The following PCDH15 variants were observed in gnomAD, a reference collection of about 807,000 sequenced individuals.
PCDH15 encodes the protein protocadherin-15.
PCDH15 carries 129 observed loss-of-function variants against 178.5 expected under a neutral mutation model. The observed-to-expected ratio is 0.72, with a 90% CI of 0.63 to 0.84. The LOEUF (loss-of-function observed/expected upper bound fraction) is 0.84, where lower values mean the gene tolerates loss of function less well. Among genes scored for constraint, PCDH15 ranks in the 40% least tolerant of loss-of-function variants. The pLI is 0.00. For missense variants in PCDH15, 2,230 were observed against 2,099.9 expected (o/e 1.06, Z -1.21); for synonymous variants, 800 against 732.0 (o/e 1.09, Z -1.50).
chr10:53,926,954 G>A (rs567272755), intron 25 of PCDH15, among the ~76,000 whole-genome samples: 3 of 152,202 alleles, frequency 2.0e-5, no homozygotes, highest in South Asian at 2.1e-4. Flanking sequence ...GAACAAATAT[G>A]TGATATATAT....
At chr10:55,263,384 A>G (rs1463370391) in intron 1 of PCDH15, among the ~76,000 whole-genome samples, 5 of 152,140 alleles carry the variant, frequency 3.3e-5, no homozygotes, top group Non-Finnish European at 7.4e-5. Flanking sequence ...AAATCAGACC[A>G]CCTATGCCTA....
rs1295064521 is a variant in PCDH15, at chr10:54,924,439, T to A, written c.-79-26939A>T. ...TGTGTCTTTATGACTGGACAATTCA[T>A]ATGCATTTGGGTATATGCCCAGTAA... is the stretch of plus-strand genomic sequence containing the variant. On this transcript the variant is annotated intron_variant, in intron 2 of 5. Transcript: ENST00000458638. Among the ~76,000 whole-genome samples, 3 of 137,966 alleles carry A rather than the reference T, an allele frequency of 2.2e-5. No individual in the cohort carries two copies. The East Asian group carries it at 6.0e-4, about 28-fold the overall frequency. 90.5% of individuals were successfully genotyped at this position (137,966 alleles called of 152,430 possible).
intron 2 of PCDH15, among the ~76,000 whole-genome samples, chr10:54,999,698 G>A (rs987971169): frequency 1.3e-5 from 2 of 152,272 alleles, no homozygotes; most frequent in South Asian, 2.1e-4. Context: ...TGGGTTGAGC[G>A]ATATCGGGGA....
intron 3 of PCDH15, among the ~76,000 whole-genome samples, chr10:54,504,071 A>G (rs946039376): frequency 4.6e-5 from 7 of 152,122 alleles, no homozygotes; most frequent in African/African-American, 1.4e-4. Context: ...ACATATTCAT[A>G]GTTGTCTTCT....
chr10:55,240,772 T>C (rs1220244438), intron 1 of PCDH15, among the ~76,000 whole-genome samples: 1 of 152,174 alleles, frequency 6.6e-6, no homozygotes, highest in Non-Finnish European at 1.5e-5. Flanking sequence ...TTAAAATAAG[T>C]ATGTATTCAC....
chr10:54,808,290 C>CTT (rs1450732599), intron 3 of PCDH15, among the ~76,000 whole-genome samples: 36 of 152,096 alleles, frequency 2.4e-4, no homozygotes, highest in Admixed American at 2.4e-3. Flanking sequence ...CAAAAGCAGC[C>CTT]TTAGACAAGG....
intron 13 of PCDH15, among the ~76,000 whole-genome samples, chr10:54,158,067 G>T (rs544453227): frequency 6.6e-6 from 1 of 152,180 alleles, no homozygotes; most frequent in Non-Finnish European, 1.5e-5. Flanking sequence ...ACATCTTCCT[G>T]TCTTTTTCTA....
At chr10:54,644,689 T>C (rs2094083322) in intron 2 of PCDH15, among the ~76,000 whole-genome samples, 1 of 152,136 alleles carries the variant, frequency 6.6e-6, no homozygotes, top group Admixed American at 6.6e-5. Context: ...TTTGCAAAGA[T>C]TTTTCATAAT....
intron 2 of PCDH15, among the ~76,000 whole-genome samples, chr10:55,393,089 T>C (rs987899523): frequency 1.3e-5 from 2 of 151,968 alleles, no homozygotes; most frequent in East Asian, 1.9e-4. Flanking sequence ...AGAGATCATC[T>C]TGAATACTGT....
intron 2 of PCDH15, among the ~76,000 whole-genome samples, chr10:55,605,220 C>T (rs1843186926): frequency 6.6e-6 from 1 of 151,964 alleles, no homozygotes; most frequent in African/African-American, 2.4e-5. Context: ...TCTGAATAGA[C>T]CAATAACAGG....
rs527604415 is a variant in PCDH15 at position 55,350,828 on chromosome 10, G to C, written c.-155-184177C>G. Among the ~76,000 whole-genome samples the C allele has an allele frequency of 1.6e-4, 24 of 151,960 alleles. No individual in the cohort carries two copies. In the East Asian group the frequency reaches 4.5e-3, roughly 28 times the overall value. Reference sequence around the variant, plus strand: ...TTTTTTACACAGTATTTAGTAACATGGGAAATTCTCACACAACTGTTTGGA... The same window carrying C: ...TTTTTTACACAGTATTTAGTAACATCGGAAATTCTCACACAACTGTTTGGA... On this transcript the variant is annotated intron_variant, in intron 2 of 5. Coordinates refer to the PCDH15 transcript ENST00000613346.
chr10:55,004,717 GCACTT>G (rs1305373128), intron 2 of PCDH15, among the ~76,000 whole-genome samples: 14 of 152,114 alleles, frequency 9.2e-5, no homozygotes, highest in Admixed American at 9.2e-4. Context: ...CTCAGCTGTA[GCACTT>G]GAATAACCCT....
chr10:54,071,078 A>G (rs540290702), intron 17 of PCDH15, among the ~76,000 whole-genome samples: 1 of 152,296 alleles, frequency 6.6e-6, no homozygotes, highest in African/African-American at 2.4e-5. Flanking sequence ...TCAGGAAATG[A>G]CATGGCAAAA....
intron 3 of PCDH15, among the ~76,000 whole-genome samples, chr10:54,855,501 T>G (rs548016850): frequency 1.3e-5 from 2 of 152,168 alleles, no homozygotes; most frequent in Non-Finnish European, 2.9e-5. Flanking sequence ...GCATCCTGCA[T>G]CAAAAATATT....
chr10:54,767,624 T>C (rs1055620470), intron 1 of PCDH15, among the ~76,000 whole-genome samples: 4 of 152,116 alleles, frequency 2.6e-5, no homozygotes, highest in Non-Finnish European at 4.4e-5. Context: ...AATTTAATAG[T>C]CATAAATTAC....
At chr10:54,074,239 G>T (rs1401327184) in intron 17 of PCDH15, among the ~76,000 whole-genome samples, 1 of 152,050 alleles carries the variant, frequency 6.6e-6, no homozygotes, top group Non-Finnish European at 1.5e-5. Flanking sequence ...AAATGTTGTG[G>T]TATTAAGTAT....
At chr10:54,937,755 G>A (rs1837943637) in intron 2 of PCDH15, among the ~76,000 whole-genome samples, 1 of 151,910 alleles carries the variant, frequency 6.6e-6, no homozygotes, top group Non-Finnish European at 1.5e-5. Context: ...ATTAGGAAAT[G>A]AATTCCTTAG....
At position 54,884,480 on chromosome 10, in the gene PCDH15, G is replaced by GGTGTGTGTGTGTGT. The variant is rs11473798; in HGVS notation, c.-29+12956_-29+12969dup. 6.1e-3 allele frequency among the ~76,000 whole-genome samples: 900 copies of GGTGTGTGTGTGTGT among 148,726 alleles called. 11 individuals carry two copies. Among genetic ancestry groups the GGTGTGTGTGTGTGT allele is most frequent in the African/African-American group, 0.021 (859 of 40,592 alleles). ...TCATCATGAGCAGAATACTAAGATA[G>GGTGTGTGTGTGTGT]GTGTGTGTGTGTGTGTGTGTGTGTG... On this transcript the variant is annotated intron_variant, in intron 3 of 5. Coordinates refer to the PCDH15 transcript ENST00000458638.
chr10:55,234,723 T>C (rs1841326985), intron 1 of PCDH15, among the ~76,000 whole-genome samples: 1 of 152,068 alleles, frequency 6.6e-6, no homozygotes, highest in African/African-American at 2.4e-5. Context: ...AAACATGTAT[T>C]TTGAGACAAT....
Sources: allele counts gnomAD v4.1 joint callset (sites outside exome capture counted in the v4.1 genomes callset), GRCh38; gene constraint gnomAD v4.1.1; transcripts MANE v1.5; gene names NCBI Gene and HGNC (gene_info 2026-07-23, HGNC 2026-07-21).